SETDB1: variants seen among roughly 807,000 people sequenced by gnomAD.
The protein encoded by SETDB1 is SET domain bifurcated histone lysine methyltransferase 1.
Under a neutral mutation model 137.4 loss-of-function variants are expected in SETDB1, and 31 were observed. The ratio of observed to expected loss-of-function variants is 0.23; its 90% confidence interval spans 0.17 to 0.30. SETDB1 has a LOEUF of 0.30. Ranked by LOEUF, SETDB1 falls within the 10% of genes least tolerant of loss-of-function variation. The probability of loss-of-function intolerance (pLI) is 1.00; values close to 1 mark genes in which losing one functional copy is unlikely to be tolerated. For missense variants in SETDB1, 1,113 were observed against 1,631.5 expected (o/e 0.68, Z 5.47); for synonymous variants, 548 against 579.9 (o/e 0.95, Z 0.79).
intron 14 of SETDB1, among the ~76,000 whole-genome samples, chr1:150,952,438 A>G (rs1670515739): frequency 6.6e-6 from 1 of 152,180 alleles, no homozygotes; most frequent in Non-Finnish European, 1.5e-5. Context: ...TGGATAGATT[A>G]TGGAGTGGGG....
intron 14 of SETDB1, among the ~76,000 whole-genome samples, chr1:150,954,885 C>T (rs587672182): frequency 2.0e-5 from 3 of 152,242 alleles, no homozygotes; most frequent in African/African-American, 7.2e-5. Flanking sequence ...GAGGGAAAGG[C>T]AGGAAAGGGG....
At chr1:150,960,540 C>G in intron 15 of SETDB1, 23 bp from the exon 16 acceptor site, 1 of 1,598,212 alleles carries the variant, frequency 6.3e-7, no homozygotes, top group East Asian at 2.2e-5. Context: ...CCCTAGAAGG[C>G]CTTTAATTCT....
Position 150,946,881 on chromosome 1 carries a change from C to G in SETDB1, c.1141-5C>G, listed in dbSNP as rs752113948. ...TCCCTTCATTCTTTTCTCTCAATTC[C>G]CCAGGATGACAAAAGATGTGAGTGG... On this transcript the variant is annotated splice_region_variant and splice_polypyrimidine_tract_variant and intron_variant, in intron 9 of 21. Transcript: ENST00000692827. The G allele has an allele frequency of 1.2e-6, 2 of 1,613,798 alleles. No individual in the cohort carries two copies. Among genetic ancestry groups the G allele is most frequent in the African/African-American group, 2.7e-5 (2 of 74,914 alleles).
chr1:150,953,849 T>TA (rs149122369), intron 14 of SETDB1, among the ~76,000 whole-genome samples: 10 of 149,890 alleles, frequency 6.7e-5, no homozygotes, highest in African/African-American at 1.5e-4. Context: ...ATTTAAAAAT[T>TA]AAAAAAAAAA....
At chr1:150,955,343 G>A (rs1670607780) in intron 14 of SETDB1, among the ~76,000 whole-genome samples, 1 of 152,102 alleles carries the variant, frequency 6.6e-6, no homozygotes, top group African/African-American at 2.4e-5. Flanking sequence ...CTGCTGTTTG[G>A]ATTTTATTCT....
At chr1:150,963,479 G>A in intron 19 of SETDB1, 51 bp from the exon 20 acceptor site, 1 of 1,381,504 alleles carries the variant, frequency 7.2e-7, no homozygotes. Flanking sequence ...ATGATAGAAT[G>A]TCTGTTCATG....
intron 14 of SETDB1, among the ~76,000 whole-genome samples, chr1:150,955,198 G>A (rs587650654): frequency 1.6e-4 from 25 of 152,234 alleles, no homozygotes; most frequent in Middle Eastern, 3.4e-3. Context: ...TAACAATAGC[G>A]TTTAGATTTG....
intron 14 of SETDB1, among the ~76,000 whole-genome samples, chr1:150,952,227 C>G (rs1354849484): frequency 6.6e-6 from 1 of 151,972 alleles, no homozygotes; most frequent in Admixed American, 6.6e-5. Context: ...TGTGACCTGC[C>G]TTTTTCAGAT....
intron 20 of SETDB1, 59 bp from the exon 21 acceptor site, chr1:150,963,936 C>T (rs753051003): frequency 9.9e-6 from 15 of 1,511,440 alleles, no homozygotes; most frequent in African/African-American, 2.7e-5. Context: ...TCTCACTCTC[C>T]CTGCAAAGCC....
At chr1:150,935,177 G>A (rs1044305592) in intron 3 of SETDB1, among the ~76,000 whole-genome samples, 3 of 152,202 alleles carry the variant, frequency 2.0e-5, no homozygotes, top group South Asian at 2.1e-4. Flanking sequence ...CTTCAAATAC[G>A]CCATCCCTGT....
chr1:150,929,727 T>A (rs17661062), intron 2 of SETDB1, among the ~76,000 whole-genome samples: 5,545 of 152,138 alleles, frequency 0.036, 163 homozygotes, highest in Middle Eastern at 0.11. Context: ...GAGGTAAGGG[T>A]GAAAGTACTG....
In SETDB1 at chr1:150,950,722, T is replaced by A. The variant is rs1385432582; in HGVS notation, c.1848T>A (p.Arg616=). The change falls in exon 13 of 22, where the codon CGT becomes CGA. Residue 616 remains arginine (R), a synonymous_variant. Coordinates refer to ENST00000692827, the MANE Select transcript of SETDB1 (RefSeq NM_001366418.1). ...ACTTCCGGCGGATGACAGCCCGGCG[T>A]CGAGTTAACCGCAAGATGGGCTTTC... ...LYDFRRMTAR[R]RVNRKMGFHV... The A allele has an allele frequency of 6.2e-7, 1 of 1,614,168 alleles. No homozygotes were observed. Among genetic ancestry groups the A allele is most frequent in the Admixed American group, 1.7e-5 (1 of 60,016 alleles).
intron 3 of SETDB1, among the ~76,000 whole-genome samples, chr1:150,936,843 G>A (rs587681109): frequency 3.1e-4 from 47 of 152,234 alleles, no homozygotes; most frequent in Non-Finnish European, 4.9e-4. Context: ...AAAATTTGTA[G>A]GTTGCTCACA....
At position 150,951,426 on chromosome 1, in the gene SETDB1, A is replaced by G; in HGVS notation, c.2278A>G (p.Ile760Val). Residue 760 changes from isoleucine (I) to valine (V), a missense_variant, in exon 14 of 22, where the codon ATC (isoleucine) becomes GTC (valine). Transcript: ENST00000692827. ...QATACTPGGQ[I>V]NPNSGYQYKR... ...TACAGCCTGTACCCCAGGAGGCCAA[A>G]TCAACCCTAACTCTGGCTACCAGTA... 1.2e-6 allele frequency: 2 copies of G among 1,613,986 alleles called. No individual in the cohort carries two copies. Among genetic ancestry groups the G allele is most frequent in the Non-Finnish European group, 1.7e-6 (2 of 1,179,838 alleles).
intron 8 of SETDB1, 48 bp downstream of exon 8, chr1:150,944,041 G>A: frequency 1.6e-6 from 2 of 1,246,736 alleles, no homozygotes; most frequent in South Asian, 1.2e-5. Flanking sequence ...CCTCTACCTT[G>A]TATTTCTTCT....
At chr1:150,953,861 T>A (rs972356094) in intron 14 of SETDB1, among the ~76,000 whole-genome samples, 2 of 149,468 alleles carry the variant, frequency 1.3e-5, no homozygotes, top group Non-Finnish European at 3.0e-5. Flanking sequence ...AAAAAAAAAT[T>A]TTTTTTTTTT....
intron 18 of SETDB1, 106 bp from the exon 19 acceptor site, chr1:150,962,868 C>G (rs1670866674): frequency 6.8e-7 from 1 of 1,477,634 alleles, no homozygotes; most frequent in African/African-American, 1.4e-5. Context: ...AGCATCTAAT[C>G]TTCCTCTTGC....
intron 16 of SETDB1, 74 bp downstream of exon 16, chr1:150,961,265 T>G: frequency 7.1e-7 from 1 of 1,417,544 alleles, no homozygotes; most frequent in Non-Finnish European, 9.8e-7. Context: ...TCACCATGAG[T>G]CTTTGCATGT....
At position 150,930,103 on chromosome 1, in the gene SETDB1, C is replaced by T; in HGVS notation, c.397C>T (p.Leu133Phe). 1 of 1,613,750 alleles carries T rather than the reference C, an allele frequency of 6.2e-7. No homozygotes were observed. Among genetic ancestry groups the T allele is most frequent in the South Asian group, 1.1e-5 (1 of 91,046 alleles). ...IEIPDEDDDV[L>F]SIDSGDAGSR... ...GATTCCTGATGAAGATGATGATGTC[C>T]TCAGTATTGATTCAGGTAAGGGATG... Residue 133 changes from leucine (L) to phenylalanine (F), a missense_variant, in exon 3 of 22, where the codon CTC (leucine) becomes TTC (phenylalanine). Physicochemically the swap from Leu to Phe is conservative, Grantham distance 22. Around this residue, in one of 11 missense-constraint regions of SETDB1, gnomAD observed 159 missense variants for 188.6 expected, o/e 0.84. Coordinates refer to ENST00000692827, the MANE Select transcript of SETDB1 (RefSeq NM_001366418.1).
Sources: allele counts gnomAD v4.1 joint callset (sites outside exome capture counted in the v4.1 genomes callset), GRCh38; gene constraint gnomAD v4.1.1; regional missense constraint gnomAD v4.1.1; transcripts MANE v1.5; gene names NCBI Gene and HGNC (gene_info 2026-07-23, HGNC 2026-07-21).